The following EPB41L4A variants were observed in gnomAD, a reference collection of about 807,000 sequenced individuals.
EPB41L4A encodes band 4.1-like protein 4A.
Under a neutral mutation model 108.6 loss-of-function variants are expected in EPB41L4A, and 100 were observed. The observed-to-expected ratio is 0.92, with a 90% confidence interval of 0.78 to 1.09. The LOEUF (loss-of-function observed/expected upper bound fraction) is 1.09, where lower values mean the gene tolerates loss of function less well. Among genes scored for constraint, EPB41L4A ranks in the 50% least tolerant of loss-of-function variants. EPB41L4A has a pLI of 0.00. For missense variants in EPB41L4A, 1,030 were observed against 842.7 expected (o/e 1.22, Z -2.75); for synonymous variants, 319 against 289.0 (o/e 1.10, Z -1.05).
At chr5:112,359,713 TG>T (rs1460181437) in intron 1 of EPB41L4A, among the ~76,000 whole-genome samples, 10 of 152,134 alleles carry the variant, frequency 6.6e-5, no homozygotes, top group Non-Finnish European at 1.5e-4. Flanking sequence ...GCTAATTTTT[TG>T]TATTTTTAGT....
chr5:112,384,739 G>A (rs367914895), intron 1 of EPB41L4A, among the ~76,000 whole-genome samples: 2 of 147,622 alleles, frequency 1.4e-5, no homozygotes, highest in Non-Finnish European at 3.0e-5. Context: ...GAAACAAAAA[G>A]AGAAAGAGAA....
intron 1 of EPB41L4A, among the ~76,000 whole-genome samples, chr5:112,308,011 C>G (rs1017339539): frequency 6.6e-6 from 1 of 152,046 alleles, no homozygotes; most frequent in African/African-American, 2.4e-5. Context: ...TCTGAAAAGC[C>G]CCTGTGAAGA....
At chr5:112,291,895 A>C (rs1753666208) in intron 2 of EPB41L4A, among the ~76,000 whole-genome samples, 1 of 152,192 alleles carries the variant, frequency 6.6e-6, no homozygotes, top group Non-Finnish European at 1.5e-5. Flanking sequence ...CAAATTAATC[A>C]AACCCAAAGA....
At chr5:112,204,607 G>T in intron 14 of EPB41L4A, 119 bp from the exon 15 acceptor site, 2 of 567,012 alleles carry the variant, frequency 3.5e-6, no homozygotes, top group Non-Finnish European at 6.5e-6. Context: ...TGCACCAGGG[G>T]CACGTGGTTC....
chr5:112,382,994 C>T (rs937957934), intron 1 of EPB41L4A, among the ~76,000 whole-genome samples: 1 of 152,154 alleles, frequency 6.6e-6, no homozygotes, highest in Non-Finnish European at 1.5e-5. Flanking sequence ...AGCAATGACC[C>T]TTTGAGAAGC....
chr5:112,265,815 C>A (rs1166424656), intron 5 of EPB41L4A, among the ~76,000 whole-genome samples: 2 of 152,214 alleles, frequency 1.3e-5, no homozygotes, highest in African/African-American at 4.8e-5. Context: ...GAGCTCAACA[C>A]CCATGCCACA....
intron 12 of EPB41L4A, among the ~76,000 whole-genome samples, chr5:112,223,690 G>C (rs1748243028): frequency 6.6e-6 from 1 of 152,142 alleles, no homozygotes; most frequent in African/African-American, 2.4e-5. Flanking sequence ...AGAAGGAGCA[G>C]GTTCAAGAAA....
At chr5:112,413,104 A>G (rs778359671) in intron 1 of EPB41L4A, among the ~76,000 whole-genome samples, 5 of 152,340 alleles carry the variant, frequency 3.3e-5, no homozygotes, top group South Asian at 2.1e-4. Context: ...AAAAGTCACT[A>G]AAGTATGAGG....
At chr5:112,294,236 T>A (rs1370501535) in intron 2 of EPB41L4A, among the ~76,000 whole-genome samples, 9 of 152,130 alleles carry the variant, frequency 5.9e-5, no homozygotes, top group African/African-American at 1.7e-4. Context: ...CTGGTTAAAA[T>A]GAACAGCAGG....
intron 4 of EPB41L4A, among the ~76,000 whole-genome samples, chr5:112,273,100 C>G (rs1428716573): frequency 5.3e-5 from 8 of 152,128 alleles, no homozygotes; most frequent in Non-Finnish European, 1.0e-4. Context: ...TCTCATGTGA[C>G]TCCTCTTTTT....
chr5:112,146,983 G>T (rs1199248189), intron 12 of EPB41L4A, among the ~76,000 whole-genome samples: 1 of 152,194 alleles, frequency 6.6e-6, no homozygotes, highest in Non-Finnish European at 1.5e-5. Flanking sequence ...TAAAACACCT[G>T]GAAAATGTGG....
chr5:112,200,505 G>C (rs908101364), intron 15 of EPB41L4A, among the ~76,000 whole-genome samples: 14 of 152,068 alleles, frequency 9.2e-5, no homozygotes, highest in Non-Finnish European at 1.0e-4. Context: ...ATATTCCTAT[G>C]ACTCATGTAT....
intron 12 of EPB41L4A, among the ~76,000 whole-genome samples, chr5:112,230,065 T>G (rs1485504773): frequency 1.3e-5 from 2 of 152,176 alleles, no homozygotes; most frequent in Non-Finnish European, 2.9e-5. Context: ...TTCCTTTTTA[T>G]GGCTGAGTAG....
chr5:112,142,984 A>T (rs1272060906), exon 14 of EPB41L4A: 2 of 152,120 alleles, frequency 1.3e-5, no homozygotes, highest in Non-Finnish European at 2.9e-5. Context: ...CCACTCACTC[A>T]TTTGGCACCT....
chr5:112,339,471 T>A (rs1757124600), intron 1 of EPB41L4A, among the ~76,000 whole-genome samples: 1 of 42,234 alleles, frequency 2.4e-5, no homozygotes, highest in East Asian at 3.9e-4. Context: ...GATATATATA[T>A]ATCTATATAT....
intron 1 of EPB41L4A, among the ~76,000 whole-genome samples, chr5:112,379,890 C>A (rs1760053503): frequency 6.6e-6 from 1 of 152,126 alleles, no homozygotes; most frequent in Admixed American, 6.5e-5. Flanking sequence ...ATAAGAAAGA[C>A]ACTATGAGCC....
chr5:112,355,636 C>T (rs1377861413), intron 1 of EPB41L4A, among the ~76,000 whole-genome samples: 2 of 152,154 alleles, frequency 1.3e-5, no homozygotes, highest in African/African-American at 4.8e-5. Context: ...CCCGATACAA[C>T]CACAAACTCT....
chr5:112,404,168 T>G (rs1340239323), intron 1 of EPB41L4A, among the ~76,000 whole-genome samples: 1 of 152,244 alleles, frequency 6.6e-6, no homozygotes, highest in Non-Finnish European at 1.5e-5. Flanking sequence ...ACTATCTAAC[T>G]ATATCATCTC....
chr5:112,203,222 G>A (rs1454670278), intron 15 of EPB41L4A, among the ~76,000 whole-genome samples: 1 of 152,050 alleles, frequency 6.6e-6, no homozygotes, highest in Non-Finnish European at 1.5e-5. Context: ...CGGGCCTGAT[G>A]GCGCATGCCT....
Sources: gnomAD v4.1 joint callset for allele counts (sites outside exome capture counted in the v4.1 genomes callset) on GRCh38, gnomAD v4.1.1 for gene constraint, MANE v1.5 for transcripts, NCBI Gene and HGNC (gene_info 2026-07-23, HGNC 2026-07-21) for gene names.